MN1: variants seen among roughly 807,000 people sequenced by gnomAD.
MN1 encodes MN1 proto-oncogene, transcriptional regulator.
Under a neutral mutation model 86.9 loss-of-function variants are expected in MN1, and 19 were observed. That is an observed-to-expected ratio of 0.22 (90% CI 0.15 to 0.32). The LOEUF (loss-of-function observed/expected upper bound fraction) is 0.32, where lower values mean the gene tolerates loss of function less well. Ranked by LOEUF, MN1 falls within the 10% of genes least tolerant of loss-of-function variation. MN1 has a pLI of 1.00. For missense variants in MN1, 1,841 were observed against 1,862.0 expected, an observed-to-expected ratio of 0.99 and a Z score of 0.21; for synonymous variants, 928 against 849.6, an observed-to-expected ratio of 1.09 and a Z score of -1.60.
chr22:27,761,033 G>T (rs557509347), intron 1 of MN1, among the ~76,000 whole-genome samples: 156 of 152,162 alleles, frequency 1.0e-3, no homozygotes, highest in Admixed American at 1.7e-3. Flanking sequence ...CCAGCCATCC[G>T]CAGAGCCAAG....
At chr22:27,775,740 G>A (rs372530096) in intron 1 of MN1, among the ~76,000 whole-genome samples, 12 of 152,158 alleles carry the variant, frequency 7.9e-5, no homozygotes, top group East Asian at 1.9e-4. Context: ...AGTCCCCTCC[G>A]ACTCTAATGA....
In MN1 at chr22:27,765,910, G is replaced by A. The variant is rs147353997; in HGVS notation, c.3782-14814C>T. Among the ~76,000 whole-genome samples, 113 of 152,198 alleles carry A rather than the reference G, an allele frequency of 7.4e-4. 1 individual carries two copies. The highest frequency in any genetic ancestry group is 3.4e-3 in the Middle Eastern group (1 of 294). Reference sequence around the variant, plus strand: ...GCTGGTTAATTATTTCCATTAAAACGACAGGGAACTAAGCCCCCGGGGTGC... The same window carrying A: ...GCTGGTTAATTATTTCCATTAAAACAACAGGGAACTAAGCCCCCGGGGTGC... On this transcript the variant is annotated intron_variant, in intron 1 of 1. Coordinates refer to ENST00000302326, the MANE Select transcript of MN1 (RefSeq NM_002430.3).
At chr22:27,785,056 C>CCACACACA (rs57257445) in intron 1 of MN1, among the ~76,000 whole-genome samples, 6,659 of 144,854 alleles carry the variant, frequency 0.046, 184 homozygotes, top group East Asian at 0.12. Context: ...CTGGCATCCG[C>CCACACACA]CACACACACA....
chr22:27,797,668 A>G lies in MN1; in HGVS notation c.2876T>C (p.Phe959Ser). The G allele has an allele frequency of 6.2e-7, 1 of 1,605,702 alleles. No individual in the cohort carries two copies. The highest frequency in any genetic ancestry group is 8.5e-7 in the Non-Finnish European group (1 of 1,176,692). The stretch of plus-strand genomic sequence containing the variant: ...GTCCGGAGCCGCCGAGTACTTGTCA[A>G]AGAAGGTGCCAGGGCTCACGTGACC... The part of the protein sequence containing the change: ...DSGHVSPGTF[F>S]DKYSAAPDSG... Residue 959 changes from phenylalanine to serine, a missense_variant, in exon 1 of 2, where the codon TTT becomes TCT. By Grantham distance (155) the Phe-to-Ser change is radical (BLOSUM62 -2). Transcript: ENST00000302326.
At chr22:27,751,634 C>T (rs905055748) in intron 1 of MN1, among the ~76,000 whole-genome samples, 6 of 152,146 alleles carry the variant, frequency 3.9e-5, no homozygotes, top group Admixed American at 6.5e-5. Context: ...ATACCAACTC[C>T]AGGGGGGAAG....
intron 1 of MN1, among the ~76,000 whole-genome samples, chr22:27,759,924 A>C (rs965399718): frequency 5.3e-5 from 8 of 152,198 alleles, no homozygotes; most frequent in African/African-American, 1.9e-4. Flanking sequence ...GGGCAATCAG[A>C]TTTCACATTT....
chr22:27,794,216 C>A (rs1025671913), intron 1 of MN1, among the ~76,000 whole-genome samples: 1 of 152,130 alleles, frequency 6.6e-6, no homozygotes, highest in Admixed American at 6.5e-5. Context: ...ATTTATACAA[C>A]GTGTGCAGAT....
chr22:27,788,165 G>A (rs1000320328), intron 1 of MN1, among the ~76,000 whole-genome samples: 1 of 152,116 alleles, frequency 6.6e-6, no homozygotes, highest in Non-Finnish European at 1.5e-5. Context: ...AACTCATGTT[G>A]ACGCATTTCT....
In MN1 at chr22:27,799,462, G is replaced by A. The variant is rs780754305; in HGVS notation, c.1082C>T (p.Pro361Leu). 4.8e-5 allele frequency: 70 copies of A among 1,452,624 alleles called. No individual in the cohort carries two copies. The highest frequency in any genetic ancestry group is 6.0e-5 in the Non-Finnish European group (66 of 1,104,576). The allele number at this position is 1,452,624 out of a possible 1,614,324, so 90.0% of individuals were successfully genotyped here. A position where few individuals can be genotyped will look rare whatever the true frequency, so the allele number is the denominator to read the frequency against. The change falls in exon 1 of 2, where the codon CCG becomes CTG. Residue 361 changes from proline to leucine, a missense_variant. Transcript: ENST00000302326. The part of the protein sequence containing the change: ...QPPQQPPQQQ[P>L]PPPPGLLVRQ... ...GACTAGAAGCCCGGGTGGCGGCGGCGGCTGCTGCTGTGGCGGCTGCTGCGG... is the reference window on the plus strand; with the variant it reads ...GACTAGAAGCCCGGGTGGCGGCGGCAGCTGCTGCTGTGGCGGCTGCTGCGG...
chr22:27,755,905 A>G (rs1932799188), intron 1 of MN1, among the ~76,000 whole-genome samples: 1 of 152,248 alleles, frequency 6.6e-6, no homozygotes, highest in Admixed American at 6.5e-5. Flanking sequence ...CCATTCGTGG[A>G]GCAAGGAACT....
chr22:27,799,286 G>T lies in MN1; in HGVS notation c.1258C>A (p.His420Asn). ...CTGAAAACAGGCTCGGAATAAGGGTGCATGCTCCGGTTCTCCAGCCGGTGG... is the reference window on the plus strand; with the variant it reads ...CTGAAAACAGGCTCGGAATAAGGGTTCATGCTCCGGTTCTCCAGCCGGTGG... ...PIHRLENRSM[H>N]PYSEPVFSMQ... The change falls in exon 1 of 2, where the codon CAC becomes AAC. Residue 420 changes from histidine (H) to asparagine (N), a missense_variant. Transcript: ENST00000302326. 6.3e-7 allele frequency: 1 copy of T among 1,586,504 alleles called. No individual in the cohort carries two copies. The highest frequency in any genetic ancestry group is 8.6e-7 in the Non-Finnish European group (1 of 1,166,612).
Position 27,783,819 on chromosome 22 carries a change from C to T in MN1, c.3781+12944G>A, listed in dbSNP as rs189121321. Among the ~76,000 whole-genome samples, 140 of 152,368 alleles carry T rather than the reference C, an allele frequency of 9.2e-4. 1 individual carries two copies. The highest frequency in any genetic ancestry group is 3.2e-3 in the African/African-American group (134 of 41,586). On this transcript the variant is annotated intron_variant, in intron 1 of 1. Transcript: ENST00000302326. ...TACTACAATGTCACAGGGTCTATCA[C>T]TGTCAAGTCTGGACGTCTAAGCTGC...
At chr22:27,796,254 T>C (rs1029015084) in intron 1 of MN1, among the ~76,000 whole-genome samples, 6 of 152,130 alleles carry the variant, frequency 3.9e-5, no homozygotes, top group African/African-American at 1.2e-4. Flanking sequence ...CTGGTAACTT[T>C]TTTTTCCTAA....
At chr22:27,762,792 T>TA (rs542420033) in intron 1 of MN1, among the ~76,000 whole-genome samples, 60 of 143,548 alleles carry the variant, frequency 4.2e-4, no homozygotes, top group Middle Eastern at 3.6e-3. Flanking sequence ...TTATCTATAA[T>TA]AAAAAAAAAA....
chr22:27,798,089 G>C lies in MN1; in HGVS notation c.2455C>G (p.Leu819Val), dbSNP rs1233928604. Reference sequence around the variant, plus strand: ...GCAGCCAGGCAGCTCTGGCCGAACAGGTTGTCCTTGGAGCTGGGCTTGTTG... The same window carrying C: ...GCAGCCAGGCAGCTCTGGCCGAACACGTTGTCCTTGGAGCTGGGCTTGTTG... ...SFNKPSSKDN[L>V]FGQSCLAALS... The change falls in exon 1 of 2, where the codon CTG becomes GTG. Residue 819 changes from leucine to valine, a missense_variant. By Grantham distance (32) the Leu-to-Val change is conservative (BLOSUM62 1). Coordinates refer to ENST00000302326, the MANE Select transcript of MN1 (RefSeq NM_002430.3). The C allele has an allele frequency of 3.1e-6, 5 of 1,611,308 alleles. No individual in the cohort carries two copies.
At position 27,797,794 on chromosome 22, in the gene MN1, C is replaced by T. The variant is rs761227164; in HGVS notation, c.2750G>A (p.Ser917Asn). The T allele has an allele frequency of 1.3e-6, 2 of 1,599,346 alleles. No homozygotes were observed. The highest frequency in any genetic ancestry group is 2.2e-5 in the South Asian group (2 of 89,120). Residue 917 changes from serine (S) to asparagine (N), a missense_variant, in exon 1 of 2, where the codon AGC becomes AAC. Ser to Asn is a conservative substitution (Grantham distance 46). Coordinates refer to ENST00000302326, the MANE Select transcript of MN1 (RefSeq NM_002430.3). ...TTCCAGGGTGTAGTTGGGGGAGAGG[C>T]TGGTGCCGTCCCCCTGGGCTGGAGG... ...PNPPAQGDGT[S>N]LSPNYTLEST...
Position 27,799,722 on chromosome 22 carries a change from C to T in MN1, c.822G>A (p.Ser274=), listed in dbSNP as rs1008555846. The change falls in exon 1 of 2, where the codon TCG becomes TCA. Residue 274 remains serine (S), a synonymous_variant. Transcript: ENST00000302326. ...CCATGCCCGCAGCTCTGGGCATGGCCGAGGCGCCCGGGAAAGCGCCCCCAG... is the reference window on the plus strand; with the variant it reads ...CCATGCCCGCAGCTCTGGGCATGGCTGAGGCGCCCGGGAAAGCGCCCCCAG... ...QVPGGAFPGA[S]AMPRAAGMVG... 6.4e-7 allele frequency: 1 copy of T among 1,572,094 alleles called. No homozygotes were observed. Among genetic ancestry groups the T allele is most frequent in the African/African-American group, 1.3e-5 (1 of 74,204 alleles).
intron 1 of MN1, among the ~76,000 whole-genome samples, chr22:27,757,893 T>C (rs1932811510): frequency 6.6e-6 from 1 of 152,040 alleles, no homozygotes. Flanking sequence ...CAGGTCACTC[T>C]TCCCTCCTCC....
intron 1 of MN1, among the ~76,000 whole-genome samples, chr22:27,763,349 G>A (rs76269083): frequency 7.2e-5 from 11 of 152,274 alleles, no homozygotes; most frequent in Middle Eastern, 3.4e-3. Flanking sequence ...GCAAGGGGCC[G>A]GCTTACCCAC....
Sources: allele counts gnomAD v4.1 joint callset (sites outside exome capture counted in the v4.1 genomes callset), GRCh38; gene constraint gnomAD v4.1.1; transcripts MANE v1.5; gene names NCBI Gene and HGNC (gene_info 2026-07-23, HGNC 2026-07-21).